GPC6: variants seen among roughly 807,000 people sequenced by gnomAD.
GPC6 encodes glypican-6.
In GPC6, 14 loss-of-function variants were observed where a neutral mutation model predicts 55.2. The observed-to-expected ratio is 0.25, with a 90% confidence interval of 0.17 to 0.40. The LOEUF (loss-of-function observed/expected upper bound fraction) is 0.40. Among genes scored for constraint, GPC6 ranks in the 10% least tolerant of loss-of-function variants. GPC6 has a pLI of 1.00. For synonymous variants in GPC6, 278 were observed against 259.6 expected (o/e 1.07, Z -0.68); for missense variants, 641 against 708.5 (o/e 0.90, Z 1.08).
chr13:93,705,786 C>T (rs1882828668), intron 2 of GPC6, among the ~76,000 whole-genome samples: 1 of 150,828 alleles, frequency 6.6e-6, no homozygotes, highest in Non-Finnish European at 1.5e-5. Context: ...TAATTAGTTA[C>T]TCTTCTGAAT....
chr13:93,444,464 G>A (rs969295441), intron 1 of GPC6, among the ~76,000 whole-genome samples: 3 of 152,026 alleles, frequency 2.0e-5, no homozygotes, highest in South Asian at 4.1e-4. Flanking sequence ...AAAATTAGCC[G>A]GGTGTGGTGG....
intron 4 of GPC6, among the ~76,000 whole-genome samples, chr13:94,254,695 T>C (rs1040629523): frequency 3.3e-5 from 5 of 152,116 alleles, no homozygotes; most frequent in Non-Finnish European, 7.4e-5. Flanking sequence ...AACATGTAAT[T>C]TGAATCTTTC....
At chr13:94,158,472 C>T (rs1888036240) in intron 4 of GPC6, among the ~76,000 whole-genome samples, 1 of 151,624 alleles carries the variant, frequency 6.6e-6, no homozygotes, top group Admixed American at 6.6e-5. Context: ...AAATGAAATG[C>T]CTAATTTAAA....
At chr13:93,663,681 C>T (rs565067919) in intron 2 of GPC6, among the ~76,000 whole-genome samples, 1 of 152,242 alleles carries the variant, frequency 6.6e-6, no homozygotes, top group African/African-American at 2.4e-5. Context: ...ACTTCAGGGT[C>T]AGGAAACGTA....
chr13:93,370,985 G>A (rs978745801), intron 1 of GPC6, among the ~76,000 whole-genome samples: 2 of 152,038 alleles, frequency 1.3e-5, no homozygotes, highest in African/African-American at 2.4e-5. Context: ...TGAAAAGACG[G>A]TTTGTGGAAA....
intron 6 of GPC6, among the ~76,000 whole-genome samples, chr13:94,325,347 G>A (rs1877059109): frequency 6.6e-6 from 1 of 152,168 alleles, no homozygotes; most frequent in African/African-American, 2.4e-5. Context: ...GAAAGGCAGG[G>A]CAGAGGGCAG....
At chr13:94,271,245 C>T (rs1284820507) in intron 4 of GPC6, among the ~76,000 whole-genome samples, 2 of 151,902 alleles carry the variant, frequency 1.3e-5, no homozygotes, top group African/African-American at 2.4e-5. Flanking sequence ...CCCGTCTCGA[C>T]CTCCCAAAAT....
intron 2 of GPC6, among the ~76,000 whole-genome samples, chr13:93,574,732 ATAC>A (rs1393496627): frequency 6.6e-6 from 1 of 152,118 alleles, no homozygotes; most frequent in East Asian, 1.9e-4. Flanking sequence ...AATGCCCATT[ATAC>A]TCCACTGCTA....
intron 2 of GPC6, among the ~76,000 whole-genome samples, chr13:93,662,573 T>A: frequency 6.6e-6 from 1 of 151,896 alleles, no homozygotes; most frequent in Non-Finnish European, 1.5e-5. Context: ...GAGGTTGCAG[T>A]GAGCCAAGAT....
At chr13:93,266,630 G>C (rs1877333999) in intron 1 of GPC6, among the ~76,000 whole-genome samples, 1 of 152,102 alleles carries the variant, frequency 6.6e-6, no homozygotes, top group African/African-American at 2.4e-5. Flanking sequence ...GGGCATTCGG[G>C]CATGAATATT....
intron 2 of GPC6, among the ~76,000 whole-genome samples, chr13:93,815,975 TA>T (rs1412653698): frequency 6.6e-6 from 1 of 152,166 alleles, no homozygotes; most frequent in African/African-American, 2.4e-5. Flanking sequence ...AAAGGTGTCT[TA>T]ACTTCCTTTA....
intron 1 of GPC6, among the ~76,000 whole-genome samples, chr13:93,335,148 T>G (rs1261347425): frequency 1.3e-5 from 2 of 152,198 alleles, no homozygotes; most frequent in African/African-American, 4.8e-5. Context: ...AAGGCAGGTG[T>G]CTCTAGGTAA....
chr13:93,705,403 T>G (rs755021097), intron 2 of GPC6, among the ~76,000 whole-genome samples: 11 of 151,946 alleles, frequency 7.2e-5, no homozygotes, highest in Non-Finnish European at 1.2e-4. Flanking sequence ...AACTTACAAT[T>G]TAAAATGCCC....
chr13:94,117,806 T>A (rs1220672701), intron 4 of GPC6, among the ~76,000 whole-genome samples: 2 of 152,046 alleles, frequency 1.3e-5, no homozygotes, highest in Non-Finnish European at 2.9e-5. Context: ...TTGGGGCAAA[T>A]GAATAACACA....
chr13:94,292,187 T>C (rs1199089224), intron 5 of GPC6, among the ~76,000 whole-genome samples: 1 of 152,192 alleles, frequency 6.6e-6, no homozygotes, highest in Non-Finnish European at 1.5e-5. Flanking sequence ...GTTAGGTGAC[T>C]TACCAAGGTC....
chr13:93,465,493 A>G (rs1485617074), intron 1 of GPC6, among the ~76,000 whole-genome samples: 2 of 152,180 alleles, frequency 1.3e-5, no homozygotes, highest in Non-Finnish European at 2.9e-5. Flanking sequence ...TCTTTGCTTC[A>G]ACCATATGAA....
At position 93,421,512 on chromosome 13, in the gene GPC6, T is replaced by C. The variant is rs573608676; in HGVS notation, c.161-123751T>C. On this transcript the variant is annotated intron_variant, in intron 1 of 8. Transcript: ENST00000377047. ...CTATTGCTTAGAGGCAGATAAAATA[T>C]CTTGTTCTTTAAGAACAACGTCGAG... Among the ~76,000 whole-genome samples, 13 of 152,324 alleles carry C rather than the reference T, an allele frequency of 8.5e-5. 1 individual carries two copies. The South Asian group carries it at 2.5e-3, about 29-fold the overall frequency.
chr13:93,972,214 C>T (rs756683471), intron 3 of GPC6, among the ~76,000 whole-genome samples: 7 of 152,172 alleles, frequency 4.6e-5, no homozygotes, highest in Non-Finnish European at 2.9e-5. Flanking sequence ...GTTTGCTATC[C>T]GCTATCAAAT....
intron 3 of GPC6, among the ~76,000 whole-genome samples, chr13:93,886,270 A>G (rs1594557024): frequency 1.3e-5 from 2 of 152,172 alleles, no homozygotes; most frequent in Non-Finnish European, 1.5e-5. Context: ...TGGCAAGATT[A>G]CATTGTTGAA....
Sources: gnomAD v4.1 joint callset for allele counts (sites outside exome capture counted in the v4.1 genomes callset) on GRCh38, gnomAD v4.1.1 for gene constraint, MANE v1.5 for transcripts, NCBI Gene and HGNC (gene_info 2026-07-23, HGNC 2026-07-21) for gene names.